The following TCP1 variants were observed in gnomAD, a reference collection of about 807,000 sequenced individuals.
TCP1 encodes the protein t-complex 1.
In TCP1, 6 loss-of-function variants were observed where a neutral mutation model predicts 54.7. That is an observed-to-expected ratio of 0.11 (90% CI 0.06 to 0.22). TCP1 has a LOEUF of 0.22. TCP1 is among the 10% of genes least tolerant of loss of function. The pLI, the probability that TCP1 is intolerant of heterozygous loss-of-function variation, is 1.00. For missense variants in TCP1, 511 were observed against 678.2 expected (o/e 0.75, Z 2.74); for synonymous variants, 225 against 229.7 (o/e 0.98, Z 0.19).
rs553054657 is a variant in TCP1, at chr6:159,784,365, T to C, written c.671-298A>G. Among the ~76,000 whole-genome samples the C allele has an allele frequency of 2.5e-4, 38 of 151,712 alleles. 3 individuals carry two copies. In the South Asian group the frequency reaches 6.0e-3, roughly 24 times the overall value. On this transcript the variant is annotated intron_variant, in intron 6 of 11. Coordinates refer to ENST00000321394, the MANE Select transcript of TCP1 (RefSeq NM_030752.3). ...TGTAGCCCAGGCTGGAGTGCAGTGG[T>C]GTGATCTTGGCTCACTGCAATCTCC...
intron 11 of TCP1, 167 bp downstream of exon 11, chr6:159,779,460 T>C (rs758187164): frequency 1.6e-5 from 16 of 1,029,548 alleles, no homozygotes; most frequent in Admixed American, 2.8e-5. Context: ...AATTAGTCAT[T>C]ATCCCTTGAA....
At position 159,789,406 on chromosome 6, in the gene TCP1, G is replaced by A. The variant is rs139118600; in HGVS notation, c.63C>T (p.Asn21=). Residue 21 remains asparagine, a splice_region_variant and synonymous_variant, in exon 1 of 12, where the codon AAC becomes AAT. Coordinates refer to ENST00000321394, the MANE Select transcript of TCP1 (RefSeq NM_030752.3). ...GACCCAGGCCCGGCCCGCCCTTACC[G>A]TTTTGGGAGCGGATCGTTTCCCCAG... ...RSTGETIRSQ[N]VMAAASIANI... is the part of the protein sequence containing the mutation. 4.8e-5 allele frequency: 77 copies of A among 1,613,464 alleles called. No homozygotes were observed. The highest frequency in any genetic ancestry group is 6.2e-5 in the Non-Finnish European group (73 of 1,179,698).
At chr6:159,782,563 A>G (rs183766251) in intron 7 of TCP1, among the ~76,000 whole-genome samples, 1 of 152,336 alleles carries the variant, frequency 6.6e-6, no homozygotes, top group African/African-American at 2.4e-5. Flanking sequence ...AGTGTTGGTA[A>G]AAAGGAGGAG....
intron 2 of TCP1, 76 bp downstream of exon 2, chr6:159,787,982 T>C: frequency 6.2e-7 from 1 of 1,607,124 alleles, no homozygotes; most frequent in Admixed American, 1.7e-5. Flanking sequence ...TCTGATAAAG[T>C]CAAAGAAAGA....
chr6:159,789,181 G>A (rs1780784072), intron 1 of TCP1: 1 of 544,060 alleles, frequency 1.8e-6, no homozygotes, highest in Non-Finnish European at 3.3e-6. Context: ...CGCGTTGCCG[G>A]TCTCAAAACC....
At chr6:159,785,092 TTAC>T in intron 5 of TCP1, 1 of 598,852 alleles carries the variant, frequency 1.7e-6, no homozygotes, top group South Asian at 2.0e-5. Flanking sequence ...CAATACAGCA[TTAC>T]TCCTCTCTAT....
chr6:159,787,558 C>T (rs1780728213), intron 3 of TCP1, among the ~76,000 whole-genome samples, 185 bp downstream of exon 3: 1 of 152,044 alleles, frequency 6.6e-6, no homozygotes, highest in South Asian at 2.1e-4. Flanking sequence ...TGAATCTGTA[C>T]CTAAGAAGCT....
In TCP1 at chr6:159,784,815, T is replaced by G; in HGVS notation, c.521A>C (p.Asp174Ala). The change falls in exon 6 of 12, where the codon GAT (aspartate) becomes GCT (alanine). Residue 174 changes from aspartate (D) to alanine (A), a missense_variant. Around this residue, in one of 5 missense-constraint regions of TCP1, gnomAD observed 305 missense variants for 352.8 expected, o/e 0.86. Coordinates refer to ENST00000321394, the MANE Select transcript of TCP1 (RefSeq NM_030752.3). ...NGDFFANMVV[D>A]AVLAIKYTDI... ...TGTGTATTTAATAGCAAGTACAGCA[T>G]CTACTACCATGTTAGCAAAGAAATC... 1.2e-6 allele frequency: 2 copies of G among 1,614,176 alleles called. No homozygotes were observed. The highest frequency in any genetic ancestry group is 1.7e-6 in the Non-Finnish European group (2 of 1,180,038).
Position 159,789,421 on chromosome 6 carries a change from C to T in TCP1, c.48G>A (p.Thr16=), listed in dbSNP as rs1157726580. ...SVFGDRSTGE[T]IRSQNVMAAA... ...CGCCCTTACCGTTTTGGGAGCGGAT[C>T]GTTTCCCCAGTGCTGCGGTCACCGA... is the stretch of plus-strand genomic sequence containing the variant. The change falls in exon 1 of 12, where the codon ACG becomes ACA. Residue 16 remains threonine, a synonymous_variant. Coordinates refer to ENST00000321394, the MANE Select transcript of TCP1 (RefSeq NM_030752.3). 6.2e-7 allele frequency: 1 copy of T among 1,613,592 alleles called. No homozygotes were observed. The highest frequency in any genetic ancestry group is 1.7e-5 in the Admixed American group (1 of 60,016).
intron 5 of TCP1, 148 bp from the exon 6 acceptor site, chr6:159,784,995 T>C (rs1431889045): frequency 4.0e-6 from 3 of 749,332 alleles, no homozygotes; most frequent in Non-Finnish European, 6.8e-6. Context: ...GTTACAACAT[T>C]ATCACTATCT....
At position 159,788,310 on chromosome 6, in the gene TCP1, C is replaced by T. The variant is rs1299931961; in HGVS notation, c.65-167G>A. On this transcript the variant is annotated intron_variant, in intron 1 of 11. Coordinates refer to ENST00000321394, the MANE Select transcript of TCP1 (RefSeq NM_030752.3). ...CCACCTACTAAGAGTGTAAATGGGG[C>T]CAGACACTGTGGCTCACAGGTGTAA... 6.6e-6 allele frequency: 4 copies of T among 608,190 alleles called. No homozygotes were observed. In the Admixed American group the frequency reaches 1.2e-4, roughly 18 times the overall value. 37.7% of individuals were successfully genotyped at this position (608,190 alleles called of 1,614,324 possible).
At chr6:159,784,589 C>G (rs1034849661) in intron 6 of TCP1, 77 bp downstream of exon 6, 3 of 1,489,678 alleles carry the variant, frequency 2.0e-6, no homozygotes, top group Non-Finnish European at 2.7e-6. Context: ...CAGGCATGAG[C>G]CACCGCGCCC....
At position 159,789,561 on chromosome 6, in the gene TCP1, C is replaced by T; in HGVS notation, c.-93G>A. On this transcript the variant is annotated 5_prime_UTR_variant, in exon 1 of 12. Transcript: ENST00000321394. ...CGACCGGCGACCACAGCAGTGGCTG[C>T]GACGGCGTGGAGCGTACCCGAGCGA... 1 of 1,468,352 alleles carries T rather than the reference C, an allele frequency of 6.8e-7. No individual in the cohort carries two copies. Among genetic ancestry groups the T allele is most frequent in the Non-Finnish European group, 9.4e-7 (1 of 1,062,092 alleles). 91.0% of individuals were successfully genotyped at this position (1,468,352 alleles called of 1,614,324 possible). A position where few individuals can be genotyped will look rare whatever the true frequency, so the allele number is the denominator to read the frequency against.
chr6:159,788,536 G>A (rs1664077870), intron 1 of TCP1: 1 of 164,738 alleles, frequency 6.1e-6, no homozygotes, highest in Admixed American at 6.0e-5. Context: ...CCTAAACAAA[G>A]CGAGCCTATT....
At chr6:159,786,867 G>T (rs965307692) in intron 3 of TCP1, among the ~76,000 whole-genome samples, 1 of 151,912 alleles carries the variant, frequency 6.6e-6, no homozygotes, top group African/African-American at 2.4e-5. Context: ...TTACTGACTC[G>T]GTAAGATCAC....
intron 8 of TCP1, 146 bp downstream of exon 8, chr6:159,780,789 G>C (rs1402769700): frequency 5.0e-6 from 6 of 1,198,320 alleles, no homozygotes; most frequent in Non-Finnish European, 4.6e-6. Context: ...ATGAAAAATG[G>C]CTCTATAAAT....
intron 1 of TCP1, chr6:159,789,188 A>C (rs1156827182): frequency 1.8e-6 from 1 of 556,070 alleles, no homozygotes; most frequent in Non-Finnish European, 3.2e-6. Flanking sequence ...CCGGTCTCAA[A>C]ACCCTGCCGC....
chr6:159,787,414 A>T (rs1196749863), intron 3 of TCP1, among the ~76,000 whole-genome samples: 2 of 152,212 alleles, frequency 1.3e-5, no homozygotes, highest in African/African-American at 4.8e-5. Context: ...ATACTGCCAT[A>T]AAAGGAAAAA....
rs1168657040 is a variant in TCP1, at chr6:159,788,093, C to T, written c.115G>A (p.Val39Ile). Residue 39 changes from valine (V) to isoleucine (I), a missense_variant, in exon 2 of 12, where the codon GTT (valine) becomes ATT (isoleucine). Around this residue, in one of 5 missense-constraint regions of TCP1, gnomAD observed 54 missense variants for 111.8 expected, o/e 0.48. Transcript: ENST00000321394. The stretch of plus-strand genomic sequence containing the variant: ...TCCACCAACATTTTATCCAAGCCAA[C>T]TGGACCAAGAGAACTTTTTACAATA... ...ANIVKSSLGP[V>I]GLDKMLVDDI... 2 of 1,614,022 alleles carry T rather than the reference C, an allele frequency of 1.2e-6. No homozygotes were observed. The highest frequency in any genetic ancestry group is 8.5e-7 in the Non-Finnish European group (1 of 1,180,048).
Sources: allele counts gnomAD v4.1 joint callset (sites outside exome capture counted in the v4.1 genomes callset), GRCh38; gene constraint gnomAD v4.1.1; regional missense constraint gnomAD v4.1.1; transcripts MANE v1.5; gene names NCBI Gene and HGNC (gene_info 2026-07-23, HGNC 2026-07-21).